The following GPR137C variants were observed in gnomAD, a reference collection of about 807,000 sequenced individuals.
GPR137C encodes the protein G protein-coupled receptor 137C.
GPR137C carries 27 observed loss-of-function variants against 43.4 expected under a neutral mutation model. The ratio of observed to expected loss-of-function variants is 0.62; its 90% CI spans 0.46 to 0.86. The LOEUF (loss-of-function observed/expected upper bound fraction) is 0.86. Among genes scored for constraint, GPR137C ranks in the 40% least tolerant of loss-of-function variants. The pLI, the probability that GPR137C is intolerant of heterozygous loss-of-function variation, is 0.00. For synonymous variants in GPR137C, 285 were observed against 226.9 expected (o/e 1.26, Z -2.30); for missense variants, 522 against 534.6 (o/e 0.98, Z 0.23).
At chr14:52,558,191 T>C (rs1330612365) in intron 1 of GPR137C, among the ~76,000 whole-genome samples, 3 of 152,176 alleles carry the variant, frequency 2.0e-5, no homozygotes, top group African/African-American at 7.2e-5. Flanking sequence ...CTGCCTCCTG[T>C]TAGCCTACTG....
intron 1 of GPR137C, among the ~76,000 whole-genome samples, chr14:52,591,522 A>G (rs947502917): frequency 1.3e-5 from 2 of 152,192 alleles, no homozygotes; most frequent in African/African-American, 4.8e-5. Flanking sequence ...TCACCATTCT[A>G]ACTGGTGTGA....
chr14:52,569,246 T>G (rs1334401544), intron 1 of GPR137C, among the ~76,000 whole-genome samples: 5 of 151,202 alleles, frequency 3.3e-5, no homozygotes, highest in Non-Finnish European at 5.9e-5. Flanking sequence ...GGCATCAACA[T>G]CAACAAAAAA....
chr14:52,566,030 C>T (rs2038364471), intron 1 of GPR137C, among the ~76,000 whole-genome samples: 1 of 152,116 alleles, frequency 6.6e-6, no homozygotes, highest in South Asian at 2.1e-4. Flanking sequence ...TGCTTAAACT[C>T]CTTAGTACCT....
In GPR137C at chr14:52,553,194, C is replaced by T; in HGVS notation, c.47C>T (p.Ala16Val). ...PGPAAAAAPA[A>V]GREPSTPGGG... is the part of the protein sequence containing the mutation. ...CCGGCGGCCGCTGCCGCCCCCGCAGCCGGCCGCGAGCCCTCCACGCCCGGC... is the reference window on the plus strand; with the variant it reads ...CCGGCGGCCGCTGCCGCCCCCGCAGTCGGCCGCGAGCCCTCCACGCCCGGC... The change falls in exon 1 of 7, where the codon GCC becomes GTC. Residue 16 changes from alanine to valine, a missense_variant. Ala to Val is a moderately conservative substitution (Grantham distance 64). This residue lies in a region of GPR137C where 437 missense variants were observed against 425.7 expected (regional missense o/e 1.03). Transcript: ENST00000321662. 1 of 1,210,614 alleles carries T rather than the reference C, an allele frequency of 8.3e-7. No homozygotes were observed. The allele number at this position is 1,210,614 out of a possible 1,614,324, so 75.0% of individuals were successfully genotyped here.
At chr14:52,600,596 A>G (rs1429381014) in intron 3 of GPR137C, among the ~76,000 whole-genome samples, 2 of 152,182 alleles carry the variant, frequency 1.3e-5, no homozygotes, top group African/African-American at 4.8e-5. Context: ...GACTACAGGC[A>G]TATTGCTTTT....
intron 1 of GPR137C, among the ~76,000 whole-genome samples, chr14:52,566,959 A>G (rs904558479): frequency 2.6e-5 from 4 of 152,140 alleles, no homozygotes; most frequent in African/African-American, 4.8e-5. Flanking sequence ...TAAAAATACA[A>G]AAAATTAGCT....
In GPR137C at chr14:52,636,718, T is replaced by C. The variant is rs1036746384; in HGVS notation, c.*1603T>C. On this transcript the variant is annotated 3_prime_UTR_variant, in exon 7 of 7. Transcript: ENST00000321662. ...ACACAGACAAATAAATTTCTTCTTT[T>C]TATGATACAAAATGACTTTGTATTC... 3.9e-5 allele frequency: 6 copies of C among 152,134 alleles called. No individual in the cohort carries two copies. Among genetic ancestry groups the C allele is most frequent in the African/African-American group, 1.4e-4 (6 of 41,458 alleles). The allele number at this position is 152,134 out of a possible 1,614,324, so 9.4% of individuals were successfully genotyped here.
chr14:52,570,012 C>T (rs1319140293), intron 1 of GPR137C, among the ~76,000 whole-genome samples: 1 of 152,070 alleles, frequency 6.6e-6, no homozygotes, highest in African/African-American at 2.4e-5. Flanking sequence ...AAAGATACTC[C>T]ACAAGAAGAG....
intron 1 of GPR137C, among the ~76,000 whole-genome samples, chr14:52,574,405 C>T (rs928378492): frequency 6.6e-6 from 1 of 152,126 alleles, no homozygotes; most frequent in Non-Finnish European, 1.5e-5. Flanking sequence ...AGGATGAGTT[C>T]ATGTCCTTTG....
At chr14:52,619,056 T>C (rs1229246265) in intron 3 of GPR137C, among the ~76,000 whole-genome samples, 6 of 152,184 alleles carry the variant, frequency 3.9e-5, no homozygotes, top group Admixed American at 1.3e-4. Context: ...TCTAACAGTT[T>C]TAATTACTGT....
Position 52,553,493 on chromosome 14 carries a change from C to T in GPR137C, c.346C>T (p.Pro116Ser), listed in dbSNP as rs757178604. ...CGGCTCCCTGCCCTTGCTCCGGCCG[C>T]CCGCTCACCTGCACTTCTTCCCCCA... ...LSGSLPLLRP[P>S]AHLHFFPHWL... The change falls in exon 1 of 7, where the codon CCC (proline) becomes TCC (serine). Residue 116 changes from proline to serine, a missense_variant. By Grantham distance (74) the Pro-to-Ser change is moderately conservative. This residue lies in a region of GPR137C where 437 missense variants were observed against 425.7 expected (regional missense o/e 1.03). Coordinates refer to ENST00000321662, the MANE Select transcript of GPR137C (RefSeq NM_001099652.2). 17 of 1,608,910 alleles carry T rather than the reference C, an allele frequency of 1.1e-5. No homozygotes were observed. In the Admixed American group the frequency reaches 2.8e-4, roughly 27 times the overall value.
At chr14:52,622,050 A>G (rs1346533953) in intron 3 of GPR137C, among the ~76,000 whole-genome samples, 1 of 151,996 alleles carries the variant, frequency 6.6e-6, no homozygotes, top group East Asian at 1.9e-4. Context: ...GAAGACAGCT[A>G]GATTTTTATG....
At chr14:52,623,610 G>A (rs188748050) in intron 3 of GPR137C, among the ~76,000 whole-genome samples, 1 of 152,204 alleles carries the variant, frequency 6.6e-6, no homozygotes, top group East Asian at 1.9e-4. Context: ...AAAATGTTCT[G>A]TTACAGAAGA....
intron 1 of GPR137C, among the ~76,000 whole-genome samples, chr14:52,596,204 G>T (rs1464718323): frequency 6.6e-6 from 1 of 152,128 alleles, no homozygotes; most frequent in Admixed American, 6.5e-5. Context: ...CTTCGTCCCA[G>T]AGGGGCACCC....
intron 3 of GPR137C, among the ~76,000 whole-genome samples, chr14:52,625,394 A>G (rs1183255926): frequency 6.7e-6 from 1 of 150,338 alleles, no homozygotes; most frequent in African/African-American, 2.4e-5. Flanking sequence ...AGGCAGGAGA[A>G]TCGCTTGAAC....
chr14:52,626,007 C>T (rs113110765), intron 3 of GPR137C, among the ~76,000 whole-genome samples: 1,975 of 152,122 alleles, frequency 0.013, 33 homozygotes, highest in Admixed American at 0.038. Flanking sequence ...TACAAAGTAA[C>T]AATACAACAA....
chr14:52,581,102 A>G (rs1342146727), intron 1 of GPR137C, among the ~76,000 whole-genome samples: 3 of 150,800 alleles, frequency 2.0e-5, no homozygotes, highest in East Asian at 1.9e-4. Context: ...AGGCTGAGGC[A>G]GGAGAATTGC....
At chr14:52,590,444 G>A (rs59058058) in intron 1 of GPR137C, among the ~76,000 whole-genome samples, 1 of 152,102 alleles carries the variant, frequency 6.6e-6, no homozygotes, top group Non-Finnish European at 1.5e-5. Context: ...TGTAGCATAA[G>A]TGTACAATGT....
chr14:52,634,867 TA>T, intron 6 of GPR137C, 70 bp from the exon 7 acceptor site: 2 of 1,350,434 alleles, frequency 1.5e-6, no homozygotes, highest in Non-Finnish European at 2.0e-6. Context: ...TTGAAAATGC[TA>T]AAAATTCAAA....
Sources: gnomAD v4.1 joint callset for allele counts (sites outside exome capture counted in the v4.1 genomes callset) on GRCh38, gnomAD v4.1.1 for gene constraint, gnomAD v4.1.1 regional missense constraint, MANE v1.5 for transcripts, NCBI Gene and HGNC (gene_info 2026-07-23, HGNC 2026-07-21) for gene names.